MAD1L1: variants seen among roughly 807,000 people sequenced by gnomAD.
MAD1L1 encodes mitotic arrest deficient 1 like 1.
In MAD1L1, 95 loss-of-function variants were observed where a neutral mutation model predicts 96.9. The ratio of observed to expected loss-of-function variants is 0.98; its 90% CI spans 0.83 to 1.16. The LOEUF (loss-of-function observed/expected upper bound fraction) is 1.16. Ranked by LOEUF, MAD1L1 falls within the 50% of genes most tolerant of loss-of-function variation. MAD1L1 has a pLI of 0.00. For synonymous variants in MAD1L1, 473 were observed against 396.6 expected, an observed-to-expected ratio of 1.19 and a Z score of -2.29; for missense variants, 1,007 against 954.4, an observed-to-expected ratio of 1.06 and a Z score of -0.73.
chr7:2,083,816 G>C (rs1051069961), intron 11 of MAD1L1, among the ~76,000 whole-genome samples: 1 of 152,226 alleles, frequency 6.6e-6, no homozygotes, highest in East Asian at 1.9e-4. Flanking sequence ...AGGAGCGCCC[G>C]TTCCCATCTC....
At chr7:1,863,678 T>G (rs572080332) in intron 18 of MAD1L1, among the ~76,000 whole-genome samples, 91 of 152,286 alleles carry the variant, frequency 6.0e-4, no homozygotes, top group African/African-American at 2.0e-3. Context: ...CTGCCCCATC[T>G]TGCCCCTCCG....
chr7:1,891,953 G>A (rs1333273674), intron 18 of MAD1L1, among the ~76,000 whole-genome samples: 2 of 152,110 alleles, frequency 1.3e-5, no homozygotes, highest in African/African-American at 4.8e-5. Context: ...GGCATTTATA[G>A]TCTCCAGTTG....
intron 18 of MAD1L1, chr7:1,847,697 T>C (rs1282990422): frequency 2.1e-6 from 1 of 470,058 alleles, no homozygotes; most frequent in East Asian, 7.0e-5. Context: ...AGACCTCAGC[T>C]CTGGGCAGGC....
intron 11 of MAD1L1, among the ~76,000 whole-genome samples, chr7:2,120,792 A>G (rs1284503076): frequency 6.6e-6 from 1 of 152,218 alleles, no homozygotes; most frequent in East Asian, 1.9e-4. Context: ...GCGAGCCCCC[A>G]TGGGAGGAAC....
rs1562716825 is a variant in MAD1L1, at chr7:2,132,395, ACGGCCGCGTG to A, written c.1073+16747_1073+16756del. On this transcript the variant is annotated intron_variant, in intron 11 of 18. Coordinates refer to ENST00000265854, the MANE Select transcript of MAD1L1 (RefSeq NM_001013836.2). Reference sequence around the variant, plus strand: ...CCTGTGCGACCGCGCGTCCACCATCACGGCCGCGTGCAGTCGGTTCACTGCTGCGTGCGAC... The same window carrying A: ...CCTGTGCGACCGCGCGTCCACCATCACAGTCGGTTCACTGCTGCGTGCGAC... Among the ~76,000 whole-genome samples, 13 of 112,726 alleles carry A rather than the reference ACGGCCGCGTG, an allele frequency of 1.2e-4. No homozygotes were observed. The East Asian group carries it at 4.5e-3, about 39-fold the overall frequency. 74.0% of individuals were successfully genotyped at this position (112,726 alleles called of 152,430 possible).
At chr7:2,111,699 G>C (rs193214049) in intron 11 of MAD1L1, among the ~76,000 whole-genome samples, 1 of 152,188 alleles carries the variant, frequency 6.6e-6, no homozygotes, top group Non-Finnish European at 1.5e-5. Context: ...GCTGGAAAAC[G>C]CAACACACAG....
chr7:1,903,748 C>T (rs1313348053), intron 17 of MAD1L1, among the ~76,000 whole-genome samples: 11 of 138,564 alleles, frequency 7.9e-5, no homozygotes, highest in African/African-American at 2.4e-4. Flanking sequence ...CTATGGAAGA[C>T]GCTCTTGCAG....
intron 12 of MAD1L1, among the ~76,000 whole-genome samples, chr7:2,047,514 G>A (rs1478830756): frequency 1.3e-5 from 2 of 152,216 alleles, no homozygotes; most frequent in African/African-American, 2.4e-5. Context: ...CTCTGGGTCT[G>A]TAAATACAGA....
intron 16 of MAD1L1, among the ~76,000 whole-genome samples, chr7:1,953,216 G>A (rs1779579760): frequency 6.6e-6 from 1 of 152,208 alleles, no homozygotes; most frequent in Non-Finnish European, 1.5e-5. Context: ...GCAGACGGGA[G>A]CAGAACGGTC....
intron 10 of MAD1L1, among the ~76,000 whole-genome samples, chr7:2,161,095 A>G (rs943364855): frequency 1.6e-3 from 38 of 23,812 alleles, no homozygotes; most frequent in Non-Finnish European, 2.9e-3. Flanking sequence ...CATCAAGACG[A>G]TAATGGAGCC....
intron 18 of MAD1L1, among the ~76,000 whole-genome samples, chr7:1,828,870 G>T (rs1324581916): frequency 1.3e-5 from 2 of 152,082 alleles, no homozygotes; most frequent in African/African-American, 4.8e-5. Context: ...AAAAATTGAG[G>T]ATAGACATAA....
rs139347798 is a variant in MAD1L1 at position 1,975,473 on chromosome 7, C to T, written c.1505+4980G>A. On this transcript the variant is annotated intron_variant, in intron 15 of 18. Coordinates refer to ENST00000265854, the MANE Select transcript of MAD1L1 (RefSeq NM_001013836.2). ...CTTTCCCAGGCTGAACTCTCCCTGG[C>T]GGCCTGGGCTGGGCACGGTGAGCTC... Among the ~76,000 whole-genome samples, 98 of 152,238 alleles carry T rather than the reference C, an allele frequency of 6.4e-4. 1 individual carries two copies. The Middle Eastern group carries it at 0.031, about 48-fold the overall frequency.
intron 11 of MAD1L1, among the ~76,000 whole-genome samples, chr7:2,102,346 C>CCACCAT (rs1474677610): frequency 3.3e-5 from 5 of 150,904 alleles, no homozygotes; most frequent in African/African-American, 1.2e-4. Flanking sequence ...ATCACCACCG[C>CCACCAT]CACCATCACC....
intron 18 of MAD1L1, among the ~76,000 whole-genome samples, chr7:1,851,109 A>G (rs980491593): frequency 6.6e-6 from 1 of 152,230 alleles, no homozygotes; most frequent in Non-Finnish European, 1.5e-5. Flanking sequence ...TCTGTGCCAG[A>G]ATCTATAGGC....
At chr7:1,936,518 G>A (rs189933853) in intron 17 of MAD1L1, among the ~76,000 whole-genome samples, 169 bp downstream of exon 17, 89 of 152,318 alleles carry the variant, frequency 5.8e-4, no homozygotes, top group South Asian at 1.7e-3. Flanking sequence ...ATGGGGACAC[G>A]GGGCCAGGGT....
intron 11 of MAD1L1, among the ~76,000 whole-genome samples, chr7:2,139,710 G>A (rs1788931701): frequency 1.3e-5 from 2 of 152,220 alleles, no homozygotes; most frequent in South Asian, 4.1e-4. Flanking sequence ...CCGGGCTTCG[G>A]CAGACCCCCG....
chr7:1,918,300 C>T lies in MAD1L1; in HGVS notation c.1807+18387G>A, dbSNP rs367893845. ...CCCAGCCCTGGGACCTCAGCCCCAG[C>T]GCAGTCCCCTCCCCACACCTCTGCT... is the stretch of plus-strand genomic sequence containing the variant. On this transcript the variant is annotated intron_variant, in intron 17 of 18. Coordinates refer to ENST00000265854, the MANE Select transcript of MAD1L1 (RefSeq NM_001013836.2). Among the ~76,000 whole-genome samples the T allele has an allele frequency of 7.2e-5, 11 of 152,320 alleles. No individual in the cohort carries two copies. In the East Asian group the frequency reaches 7.7e-4, roughly 11 times the overall value.
chr7:2,138,424 G>A (rs1476375906), intron 11 of MAD1L1, among the ~76,000 whole-genome samples: 1 of 152,220 alleles, frequency 6.6e-6, no homozygotes, highest in Non-Finnish European at 1.5e-5. Context: ...GACGAGGTGG[G>A]CGCCAGACCA....
At chr7:2,205,503 C>T (rs1424627360) in intron 10 of MAD1L1, among the ~76,000 whole-genome samples, 4 of 152,206 alleles carry the variant, frequency 2.6e-5, no homozygotes, top group African/African-American at 9.7e-5. Flanking sequence ...CGGAGACAGT[C>T]CTGACACCCC....
Sources: allele counts gnomAD v4.1 joint callset (sites outside exome capture counted in the v4.1 genomes callset), GRCh38; gene constraint gnomAD v4.1.1; transcripts MANE v1.5; gene names NCBI Gene and HGNC (gene_info 2026-07-23, HGNC 2026-07-21).